TUT1: variants seen among roughly 807,000 people sequenced by gnomAD.
TUT1 encodes the protein terminal uridylyl transferase 1, U6 snRNA-specific, also known as speckle targeted PIP5K1A-regulated poly(A) polymerase.
In TUT1, 26 loss-of-function variants were observed where a neutral mutation model predicts 48.8. That is an observed-to-expected ratio of 0.53 (90% CI 0.39 to 0.74). TUT1 has a LOEUF of 0.74. TUT1 is among the 30% of genes least tolerant of loss of function. The probability of loss-of-function intolerance (pLI) is 0.00; values close to 1 mark genes in which losing one functional copy is unlikely to be tolerated. For synonymous variants in TUT1, 470 were observed against 460.8 expected, an observed-to-expected ratio of 1.02 and a Z score of -0.26; for missense variants, 1,065 against 1,114.8, an observed-to-expected ratio of 0.96 and a Z score of 0.64.
intron 1 of TUT1, among the ~76,000 whole-genome samples, chr11:62,590,953 C>A (rs762425433): frequency 2.0e-5 from 3 of 152,184 alleles, no homozygotes; most frequent in Non-Finnish European, 2.9e-5. Context: ...ACACCTATTT[C>A]ATCCATCCCC....
intron 4 of TUT1, among the ~76,000 whole-genome samples, 169 bp downstream of exon 4, chr11:62,580,937 T>TA: frequency 6.6e-6 from 1 of 152,192 alleles, no homozygotes; most frequent in East Asian, 1.9e-4. Context: ...TCCTATCTAA[T>TA]ACTCATCCAT....
At chr11:62,582,473 G>C (rs1941844541) in intron 2 of TUT1, 1 of 369,394 alleles carries the variant, frequency 2.7e-6, no homozygotes, top group African/African-American at 2.2e-5. Flanking sequence ...GCACACACCT[G>C]TAGTTCCAAT....
intron 2 of TUT1, among the ~76,000 whole-genome samples, chr11:62,583,354 A>C (rs1941862347): frequency 6.6e-6 from 1 of 152,088 alleles, no homozygotes; most frequent in Admixed American, 6.6e-5. Context: ...GCTCACGCCT[A>C]ATCTCAACAC....
Position 62,577,298 on chromosome 11 carries a change from C to T in TUT1, c.1161-7G>A. ...GGAGTTATGCAGGGCCAGCCTGGGA[C>T]AAAGCAGGGACAAGGGTGTTAGCGC... is the stretch of plus-strand genomic sequence containing the variant. On this transcript the variant is annotated splice_region_variant and splice_polypyrimidine_tract_variant and intron_variant, in intron 5 of 8. Coordinates refer to ENST00000476907, the MANE Select transcript of TUT1 (RefSeq NM_022830.3). 6.2e-7 allele frequency: 1 copy of T among 1,610,182 alleles called. No homozygotes were observed. The highest frequency in any genetic ancestry group is 8.5e-7 in the Non-Finnish European group (1 of 1,178,148).
rs1405912300 is a variant in TUT1, at chr11:62,582,576, TGA to T, written c.274-877_274-876del. Reference sequence around the variant, plus strand: ...GTGATTGCACCACTACACACCAGCCTGAGAGACAGCGAGACCCTGTCTCAAAA... The same window carrying T: ...GTGATTGCACCACTACACACCAGCCTGAGACAGCGAGACCCTGTCTCAAAA... On this transcript the variant is annotated intron_variant, in intron 2 of 8. Coordinates refer to ENST00000476907, the MANE Select transcript of TUT1 (RefSeq NM_022830.3). The T allele has an allele frequency of 6.6e-6, 3 of 455,286 alleles. No individual in the cohort carries two copies. The East Asian group carries it at 2.1e-4, about 32-fold the overall frequency. 28.2% of individuals were successfully genotyped at this position (455,286 alleles called of 1,614,324 possible). A position where few individuals can be genotyped will look rare whatever the true frequency, so the allele number is the denominator to read the frequency against.
intron 2 of TUT1, among the ~76,000 whole-genome samples, chr11:62,585,157 G>C (rs1256372656): frequency 6.6e-6 from 1 of 152,038 alleles, no homozygotes; most frequent in African/African-American, 2.4e-5. Flanking sequence ...ATTTTGCTCT[G>C]TCACCAAGAC....
At chr11:62,588,947 G>A in intron 2 of TUT1, 84 bp downstream of exon 2, 2 of 1,327,588 alleles carry the variant, frequency 1.5e-6, no homozygotes, top group Non-Finnish European at 2.1e-6. Flanking sequence ...GCCTGCCTCA[G>A]CCTCCCAAAG....
intron 2 of TUT1, among the ~76,000 whole-genome samples, chr11:62,585,551 G>A (rs1941897872): frequency 6.6e-6 from 1 of 152,238 alleles, no homozygotes; most frequent in African/African-American, 2.4e-5. Context: ...GACTGTGTCA[G>A]CTGGGCGTGG....
intron 1 of TUT1, 85 bp downstream of exon 1, chr11:62,591,315 CGACT>C (rs1179472285): frequency 6.9e-6 from 10 of 1,442,176 alleles, no homozygotes; most frequent in East Asian, 2.5e-5. Flanking sequence ...TTGACAAGAA[CGACT>C]GACTACCTAT....
Position 62,577,272 on chromosome 11 carries a change from G to A in TUT1, c.1180C>T (p.Arg394Cys), listed in dbSNP as rs766593170. Residue 394 changes from arginine (R) to cysteine (C), a missense_variant, in exon 6 of 9, where the codon CGT becomes TGT. Coordinates refer to ENST00000476907, the MANE Select transcript of TUT1 (RefSeq NM_022830.3). ...AGCTCAGAGCAGAGACTCAGGAAACGGGAGTTATGCAGGGCCAGCCTGGGA... is the reference window on the plus strand; with the variant it reads ...AGCTCAGAGCAGAGACTCAGGAAACAGGAGTTATGCAGGGCCAGCCTGGGA... ...LSNRLALHNS[R>C]FLSLCSELDG... is the part of the protein sequence containing the mutation. 1.2e-5 allele frequency: 19 copies of A among 1,612,708 alleles called. No homozygotes were observed. Among genetic ancestry groups the A allele is most frequent in the East Asian group, 2.2e-5 (1 of 44,880 alleles).
At chr11:62,578,298 G>A (rs536664662) in intron 5 of TUT1, among the ~76,000 whole-genome samples, 57 of 152,198 alleles carry the variant, frequency 3.7e-4, no homozygotes, top group African/African-American at 1.3e-3. Flanking sequence ...TGTAGTCCCC[G>A]CACTTTGGGA....
Position 62,577,176 on chromosome 11 carries a change from T to C in TUT1, c.1270+6A>G, listed in dbSNP as rs1302689163. On this transcript the variant is annotated splice_donor_region_variant and intron_variant, in intron 6 of 8. Coordinates refer to ENST00000476907, the MANE Select transcript of TUT1 (RefSeq NM_022830.3). ...CAGCCCCAAGTCTGTCCTGATCCAT[T>C]CTCACCTGACAGCCCCCGACCCTGA... 1 of 1,608,336 alleles carries C rather than the reference T, an allele frequency of 6.2e-7. No homozygotes were observed. The highest frequency in any genetic ancestry group is 1.7e-5 in the Admixed American group (1 of 57,926).
chr11:62,575,275 T>C lies in TUT1; in HGVS notation c.2444A>G (p.Lys815Arg). The stretch of plus-strand genomic sequence containing the variant: ...CCTCTCTTCGCCACCACTCAGTCCT[T>C]TCAGCTCCTGGGTGACCTGAGCCTC... ...ATEAQVTQEL[K>R]GLSGGEERPE... Residue 815 changes from lysine (K) to arginine (R), a missense_variant, in exon 9 of 9, where the codon AAA becomes AGA. Physicochemically the swap from Lys to Arg is conservative, Grantham distance 26. Coordinates refer to ENST00000476907, the MANE Select transcript of TUT1 (RefSeq NM_022830.3). 6.2e-7 allele frequency: 1 copy of C among 1,614,128 alleles called. No homozygotes were observed. The highest frequency in any genetic ancestry group is 2.2e-5 in the East Asian group (1 of 44,874).
At chr11:62,583,371 AG>A (rs1428121429) in intron 2 of TUT1, among the ~76,000 whole-genome samples, 21 of 152,160 alleles carry the variant, frequency 1.4e-4, no homozygotes, top group African/African-American at 5.1e-4. Context: ...ACACTTTGGG[AG>A]GCCTAGGCGG....
In TUT1 at chr11:62,581,654, A is replaced by G; in HGVS notation, c.321T>C (p.Ala107=). The change falls in exon 3 of 9, where the codon GCT becomes GCC. Residue 107 remains alanine (A), a synonymous_variant. Coordinates refer to ENST00000476907, the MANE Select transcript of TUT1 (RefSeq NM_022830.3). ...VEMGDVGARE[A]VLSQSQHSLG... ...GGCTGTGCTGGGACTGTGACAAGAC[A>G]GCCTCTCGAGCACCCACGTCCCCCA... The G allele has an allele frequency of 6.6e-7, 1 of 1,511,388 alleles. No individual in the cohort carries two copies. Among genetic ancestry groups the G allele is most frequent in the Non-Finnish European group, 8.9e-7 (1 of 1,128,760 alleles). The allele number at this position is 1,511,388 out of a possible 1,614,324, so 93.6% of individuals were successfully genotyped here.
At position 62,589,182 on chromosome 11, in the gene TUT1, C is replaced by T. The variant is rs1453449056; in HGVS notation, c.122G>A (p.Arg41Gln). 5.6e-6 allele frequency: 9 copies of T among 1,614,172 alleles called. No homozygotes were observed. The highest frequency in any genetic ancestry group is 1.3e-5 in the African/African-American group (1 of 75,040). Reference sequence around the variant, plus strand: ...CGCAGCTCGTAGTTCTACCAGGTGCCGGTGCTTTCTGCCTCCCAAGTGGGC... The same window carrying T: ...CGCAGCTCGTAGTTCTACCAGGTGCTGGTGCTTTCTGCCTCCCAAGTGGGC... The part of the protein sequence containing the change: ...LDAHLGGRKH[R>Q]HLVELRAARK... The change falls in exon 2 of 9, where the codon CGG becomes CAG. Residue 41 changes from arginine to glutamine, a missense_variant. Coordinates refer to ENST00000476907, the MANE Select transcript of TUT1 (RefSeq NM_022830.3).
chr11:62,582,609 T>G (rs1205118444), intron 2 of TUT1: 2 of 455,356 alleles, frequency 4.4e-6, no homozygotes, highest in Non-Finnish European at 8.8e-6. Context: ...CAAAAAAAAG[T>G]AGAAAAACAA....
intron 2 of TUT1, among the ~76,000 whole-genome samples, chr11:62,582,021 C>T (rs1289240164): frequency 6.6e-6 from 1 of 151,872 alleles, no homozygotes; most frequent in African/African-American, 2.4e-5. Context: ...CTTACTCTGT[C>T]ACCCAGGCTG....
intron 5 of TUT1, among the ~76,000 whole-genome samples, chr11:62,577,585 A>AG (rs1395259656): frequency 7.6e-5 from 10 of 131,890 alleles, no homozygotes; most frequent in Non-Finnish European, 1.8e-4. Flanking sequence ...ATCCCATGTC[A>AG]GAAAAAAAAA....
Sources: gnomAD v4.1 joint callset for allele counts (sites outside exome capture counted in the v4.1 genomes callset) on GRCh38, gnomAD v4.1.1 for gene constraint, MANE v1.5 for transcripts, NCBI Gene and HGNC (gene_info 2026-07-23, HGNC 2026-07-21) for gene names.